MYOZ2: variants seen among roughly 807,000 people sequenced by gnomAD.
The protein encoded by MYOZ2 is myozenin-2.
Under a neutral mutation model 25.4 loss-of-function variants are expected in MYOZ2, and 19 were observed. The observed-to-expected ratio is 0.75, with a 90% confidence interval of 0.52 to 1.10. The LOEUF (loss-of-function observed/expected upper bound fraction) is 1.10. Among genes scored for constraint, MYOZ2 ranks in the 50% least tolerant of loss-of-function variants. MYOZ2 has a pLI of 0.00. For synonymous variants in MYOZ2, 92 were observed against 106.9 expected (o/e 0.86, Z 0.86); for missense variants, 270 against 317.9 (o/e 0.85, Z 1.15).
chr4:119,171,952 A>G (rs556138281), intron 5 of MYOZ2, among the ~76,000 whole-genome samples: 138 of 152,224 alleles, frequency 9.1e-4, no homozygotes, highest in Non-Finnish European at 1.5e-3. Context: ...AGTTTACATT[A>G]TGATATGTAA....
intron 3 of MYOZ2, 148 bp downstream of exon 3, chr4:119,151,189 T>G (rs1312729066): frequency 2.4e-6 from 2 of 817,668 alleles, no homozygotes; most frequent in East Asian, 2.7e-5. Context: ...ATGAATAGTT[T>G]AGGTGGGTAA....
chr4:119,148,756 A>ATTTTTTTTTTTT (rs1741372321), intron 2 of MYOZ2, among the ~76,000 whole-genome samples: 1 of 61,506 alleles, frequency 1.6e-5, no homozygotes, highest in African/African-American at 6.6e-5. Context: ...GCTGCTGCTG[A>ATTTTTTTTTTTT]TGGAGTCATT....
rs150989026 is a variant in MYOZ2, at chr4:119,166,955, G to A, written c.560+2561G>A. 2.9e-3 allele frequency among the ~76,000 whole-genome samples: 438 copies of A among 152,098 alleles called. 1 individual carries two copies. The highest frequency in any genetic ancestry group is 9.8e-3 in the African/African-American group (408 of 41,466). ...CTCCCCCATCTCTCTCCCTTTCCTG[G>A]GCCTCCCTATTCCCTGAGACACAAC... On this transcript the variant is annotated intron_variant, in intron 5 of 5. Coordinates refer to ENST00000307128, the MANE Select transcript of MYOZ2 (RefSeq NM_016599.5).
chr4:119,151,751 TC>T (rs1172654955), intron 3 of MYOZ2, among the ~76,000 whole-genome samples: 1 of 152,082 alleles, frequency 6.6e-6, no homozygotes, highest in Non-Finnish European at 1.5e-5. Flanking sequence ...GCGTGAAGAA[TC>T]AAAAAGGAAT....
chr4:119,139,327 A>G (rs1329989886), intron 2 of MYOZ2, among the ~76,000 whole-genome samples: 3 of 152,180 alleles, frequency 2.0e-5, no homozygotes, highest in Non-Finnish European at 4.4e-5. Context: ...TTTATATAAA[A>G]GTATCTCAGC....
chr4:119,142,305 C>T (rs924452672), intron 2 of MYOZ2, among the ~76,000 whole-genome samples: 23 of 152,108 alleles, frequency 1.5e-4, no homozygotes, highest in African/African-American at 4.1e-4. Context: ...AAGAGCGTAA[C>T]GTCTCTTCTA....
At chr4:119,146,802 T>C (rs1222093623) in intron 2 of MYOZ2, among the ~76,000 whole-genome samples, 1 of 152,210 alleles carries the variant, frequency 6.6e-6, no homozygotes, top group Non-Finnish European at 1.5e-5. Context: ...TATCATCTGC[T>C]GAGATGGGGG....
rs185081610 is a variant in MYOZ2 at position 119,151,181 on chromosome 4, G to A, written c.246+140G>A. The A allele has an allele frequency of 6.2e-3, 5,403 of 875,086 alleles. 32 individuals are homozygous for A. The highest frequency in any genetic ancestry group is 9.2e-3 in the Middle Eastern group (26 of 2,832). 54.2% of individuals were successfully genotyped at this position (875,086 alleles called of 1,614,324 possible). A position where few individuals can be genotyped will look rare whatever the true frequency, so the allele number is the denominator to read the frequency against. ...TAGGCTATTTTTTTTTTATCATAAT[G>A]AATAGTTTAGGTGGGTAAACAAAAG... On this transcript the variant is annotated intron_variant, in intron 3 of 5. Transcript: ENST00000307128.
chr4:119,173,870 C>G (rs978685667), intron 5 of MYOZ2, among the ~76,000 whole-genome samples: 1 of 152,188 alleles, frequency 6.6e-6, no homozygotes, highest in African/African-American at 2.4e-5. Flanking sequence ...TGGCGGGCCC[C>G]GCACTCGGAG....
intron 5 of MYOZ2, among the ~76,000 whole-genome samples, chr4:119,180,053 G>A (rs941701034): frequency 6.6e-6 from 1 of 152,204 alleles, no homozygotes; most frequent in African/African-American, 2.4e-5. Context: ...CATTAAATAT[G>A]TATATTAAAA....
intron 4 of MYOZ2, among the ~76,000 whole-genome samples, chr4:119,158,557 A>G (rs75595125): frequency 6.6e-6 from 1 of 152,162 alleles, no homozygotes; most frequent in Admixed American, 6.5e-5. Context: ...CCCTGACTCA[A>G]AAAAAAGTTT....
At chr4:119,145,544 GTGTGTT>G (rs778097674) in intron 2 of MYOZ2, among the ~76,000 whole-genome samples, 27,750 of 134,436 alleles carry the variant, frequency 0.21, 3,150 homozygotes, top group South Asian at 0.31. Context: ...GTGTGTGTGT[GTGTGTT>G]TTTGGTAGAG....
chr4:119,164,188 A>G, intron 4 of MYOZ2, 23 bp from the exon 5 acceptor site: 1 of 1,607,218 alleles, frequency 6.2e-7, no homozygotes, highest in Non-Finnish European at 8.5e-7. Flanking sequence ...GTATTTACTT[A>G]CTTTTGCTAT....
Position 119,136,697 on chromosome 4 carries a change from A to G in MYOZ2, c.76+96A>G, listed in dbSNP as rs79118546. ...ATATTCCATAGTTTACTTCCTTTAG[A>G]TTCTTGCTGTTCTGTCATAACAAAC... On this transcript the variant is annotated intron_variant, in intron 2 of 5. Coordinates refer to ENST00000307128, the MANE Select transcript of MYOZ2 (RefSeq NM_016599.5). The G allele has an allele frequency of 5.0e-3, 6,541 of 1,305,592 alleles. 235 individuals are homozygous for G. In the African/African-American group the frequency reaches 0.084, roughly 17 times the overall value. The allele number at this position is 1,305,592 out of a possible 1,614,324, so 80.9% of individuals were successfully genotyped here. A position where few individuals can be genotyped will look rare whatever the true frequency, so the allele number is the denominator to read the frequency against.
chr4:119,143,605 G>A (rs1178496855), intron 2 of MYOZ2, among the ~76,000 whole-genome samples: 8 of 152,154 alleles, frequency 5.3e-5, no homozygotes, highest in Non-Finnish European at 8.8e-5. Flanking sequence ...GCAGTTCTAC[G>A]GGCTTTCACA....
chr4:119,173,822 G>C (rs2149227890), intron 5 of MYOZ2, among the ~76,000 whole-genome samples: 1 of 152,310 alleles, frequency 6.6e-6, no homozygotes, highest in Admixed American at 6.5e-5. Flanking sequence ...TGCGTGGGAC[G>C]CTTGCTGGCC....
At chr4:119,172,611 G>A (rs1028212859) in intron 5 of MYOZ2, among the ~76,000 whole-genome samples, 6 of 152,120 alleles carry the variant, frequency 3.9e-5, no homozygotes, top group Admixed American at 6.5e-5. Flanking sequence ...GAAAAATTTG[G>A]GGAGGTTCAG....
At chr4:119,176,500 G>A (rs1440297382) in intron 5 of MYOZ2, among the ~76,000 whole-genome samples, 1 of 152,198 alleles carries the variant, frequency 6.6e-6, no homozygotes, top group African/African-American at 2.4e-5. Context: ...TGGGATTACA[G>A]GCATGAGCCA....
At chr4:119,165,074 T>C (rs960716289) in intron 5 of MYOZ2, among the ~76,000 whole-genome samples, 2 of 150,032 alleles carry the variant, frequency 1.3e-5, no homozygotes, top group African/African-American at 4.9e-5. Flanking sequence ...ATATCTAATA[T>C]CTAGTATGCT....
Sources: allele counts gnomAD v4.1 joint callset (sites outside exome capture counted in the v4.1 genomes callset), GRCh38; gene constraint gnomAD v4.1.1; transcripts MANE v1.5; gene names NCBI Gene and HGNC (gene_info 2026-07-23, HGNC 2026-07-21).